WDR45B: variants seen among roughly 807,000 people sequenced by gnomAD.
WDR45B encodes the protein WD repeat domain phosphoinositide-interacting protein 3.
A neutral mutation model predicts 44.6 loss-of-function variants in WDR45B; 20 were observed. That is an observed-to-expected ratio of 0.45 (90% confidence interval 0.32 to 0.65). The LOEUF is 0.65. Ranked by LOEUF, WDR45B falls within the 30% of genes least tolerant of loss-of-function variation. WDR45B has a pLI of 0.05. For missense variants in WDR45B, 323 were observed against 430.2 expected, an observed-to-expected ratio of 0.75 and a Z score of 2.20; for synonymous variants, 169 against 164.9, an observed-to-expected ratio of 1.02 and a Z score of -0.19.
intron 2 of WDR45B, among the ~76,000 whole-genome samples, chr17:82,635,566 C>T (rs1042717676): frequency 6.6e-6 from 1 of 151,452 alleles, no homozygotes; most frequent in Admixed American, 6.6e-5. Flanking sequence ...GCTGGGATTA[C>T]AGGCGCCCAT....
intron 1 of WDR45B, 164 bp from the exon 2 acceptor site, chr17:82,644,187 G>A: frequency 1.4e-6 from 1 of 709,528 alleles, no homozygotes; most frequent in Non-Finnish European, 2.5e-6. Context: ...ATGTTACTAA[G>A]TGACAAGCAC....
rs752956755 is a variant in WDR45B at position 82,627,196 on chromosome 17, A to T, written c.332+8T>A. 1.1e-5 allele frequency: 17 copies of T among 1,610,546 alleles called. No individual in the cohort carries two copies. In the East Asian group the frequency reaches 3.8e-4, roughly 36 times the overall value. ...ACCACTTTAAAAAATTACTGACACC[A>T]AACCCACCTATCTCGCCGCAGCTTG... is the stretch of plus-strand genomic sequence containing the variant. On this transcript the variant is annotated splice_region_variant and intron_variant, in intron 4 of 9. Coordinates refer to ENST00000392325, the MANE Select transcript of WDR45B (RefSeq NM_019613.4).
intron 7 of WDR45B, among the ~76,000 whole-genome samples, chr17:82,618,265 C>T (rs1163799601): frequency 1.3e-5 from 2 of 152,222 alleles, no homozygotes; most frequent in Non-Finnish European, 1.5e-5. Flanking sequence ...GACCCAAATG[C>T]TGCTCAATAC....
intron 5 of WDR45B, 146 bp from the exon 6 acceptor site, chr17:82,621,945 A>G: frequency 9.8e-7 from 1 of 1,024,912 alleles, no homozygotes; most frequent in Non-Finnish European, 1.5e-6. Flanking sequence ...AAGATTTTTC[A>G]TTGTAAATAA....
rs2045549933 is a variant in WDR45B at position 82,617,285 on chromosome 17, C to T, written c.806+11G>A. On this transcript the variant is annotated intron_variant, in intron 8 of 9. Coordinates refer to ENST00000392325, the MANE Select transcript of WDR45B (RefSeq NM_019613.4). ...CCCCGGCTTTTCCCCAGCAGGCATCCTAACACCTACCTGGACTGTTTATTC... is the reference window on the plus strand; with the variant it reads ...CCCCGGCTTTTCCCCAGCAGGCATCTTAACACCTACCTGGACTGTTTATTC... 3 of 1,611,826 alleles carry T rather than the reference C, an allele frequency of 1.9e-6. No homozygotes were observed. In the South Asian group the frequency reaches 3.3e-5, roughly 18 times the overall value.
In WDR45B at chr17:82,618,363, G is replaced by T. The variant is rs149378912; in HGVS notation, c.704+680C>A. Among the ~76,000 whole-genome samples, 391 of 152,356 alleles carry T rather than the reference G, an allele frequency of 2.6e-3. 3 individuals carry two copies. Among genetic ancestry groups the T allele is most frequent in the South Asian group, 0.015 (73 of 4,828 alleles). On this transcript the variant is annotated intron_variant, in intron 7 of 9. Transcript: ENST00000392325. ...TAGGGCTTCAGCACTAGACACCCGG[G>T]GGGCTGTAGGGACACCACTGTGGGG...
intron 1 of WDR45B, among the ~76,000 whole-genome samples, chr17:82,646,502 A>C (rs1470793987): frequency 2.4e-4 from 35 of 147,452 alleles, no homozygotes; most frequent in African/African-American, 7.7e-4. Flanking sequence ...AAAAAAAAAA[A>C]AAAAAAAAAA....
intron 6 of WDR45B, 119 bp from the exon 7 acceptor site, chr17:82,619,247 A>G: frequency 1.1e-6 from 1 of 910,054 alleles, no homozygotes; most frequent in Non-Finnish European, 1.7e-6. Flanking sequence ...ACTCACCCAC[A>G]TCATCTACTA....
At chr17:82,641,761 G>A (rs936250649) in intron 2 of WDR45B, among the ~76,000 whole-genome samples, 3 of 152,084 alleles carry the variant, frequency 2.0e-5, no homozygotes, top group African/African-American at 7.2e-5. Flanking sequence ...AGCCAGGCGT[G>A]GTGGCAGGTG....
chr17:82,625,725 G>A (rs980260353), intron 4 of WDR45B: 4 of 514,176 alleles, frequency 7.8e-6, no homozygotes, highest in South Asian at 2.0e-5. Context: ...CCTAAGAGAC[G>A]TCTCTGAGGT....
At chr17:82,625,060 CAAGGG>C (rs1184821360) in intron 5 of WDR45B, among the ~76,000 whole-genome samples, 1 of 152,146 alleles carries the variant, frequency 6.6e-6, no homozygotes. Context: ...ATTCAGAAGA[CAAGGG>C]AAGGAAAGGC....
intron 2 of WDR45B, among the ~76,000 whole-genome samples, chr17:82,639,290 C>T (rs1226507692): frequency 6.6e-6 from 1 of 152,028 alleles, no homozygotes; most frequent in Non-Finnish European, 1.5e-5. Flanking sequence ...TGTGCCACAA[C>T]CACAGTAATC....
intron 2 of WDR45B, among the ~76,000 whole-genome samples, chr17:82,636,757 T>C (rs1034020983): frequency 6.6e-6 from 1 of 152,070 alleles, no homozygotes; most frequent in African/African-American, 2.4e-5. Flanking sequence ...CCCTAGTTAC[T>C]GTAAACAGCC....
intron 1 of WDR45B, among the ~76,000 whole-genome samples, chr17:82,644,979 G>A (rs188676348): frequency 1.3e-4 from 20 of 152,228 alleles, no homozygotes; most frequent in African/African-American, 4.6e-4. Context: ...TGGCCAACAT[G>A]GTGAAACCTA....
chr17:82,644,509 A>G, intron 1 of WDR45B: 1 of 206,438 alleles, frequency 4.8e-6, no homozygotes, highest in Non-Finnish European at 1.0e-5. Context: ...GCTCCCACCT[A>G]TAAATCATCC....
At position 82,640,324 on chromosome 17, in the gene WDR45B, C is replaced by T. The variant is rs904457015; in HGVS notation, c.142+3625G>A. 4.0e-5 allele frequency among the ~76,000 whole-genome samples: 6 copies of T among 151,712 alleles called. No individual in the cohort carries two copies. The East Asian group carries it at 1.2e-3, about 29-fold the overall frequency. On this transcript the variant is annotated intron_variant, in intron 2 of 9. Coordinates refer to ENST00000392325, the MANE Select transcript of WDR45B (RefSeq NM_019613.4). ...CAATTAAAAAGGAACAAGGGCAAGT[C>T]TGGTGCTGCTCTTCACTGGGATTTT...
chr17:82,631,132 G>T, intron 2 of WDR45B, 110 bp from the exon 3 acceptor site: 2 of 1,077,738 alleles, frequency 1.9e-6, no homozygotes, highest in Non-Finnish European at 2.8e-6. Flanking sequence ...TCTATTTTTT[G>T]TAAGAGACAA....
At position 82,619,299 on chromosome 17, in the gene WDR45B, T is replaced by C. The variant is rs551395558; in HGVS notation, c.619-171A>G. ...AACTGCCAGCACACAGTTGTGCCCCTGAGAACGAGTTGGTTGGTGGCTCCT... is the reference window on the plus strand; with the variant it reads ...AACTGCCAGCACACAGTTGTGCCCCCGAGAACGAGTTGGTTGGTGGCTCCT... On this transcript the variant is annotated intron_variant, in intron 6 of 9. Coordinates refer to ENST00000392325, the MANE Select transcript of WDR45B (RefSeq NM_019613.4). Among the ~76,000 whole-genome samples the C allele has an allele frequency of 7.2e-5, 11 of 152,254 alleles. No individual in the cohort carries two copies. The East Asian group carries it at 2.1e-3, about 29-fold the overall frequency.
intron 9 of WDR45B, 46 bp from the exon 10 acceptor site, chr17:82,616,071 A>G: frequency 6.4e-7 from 1 of 1,559,636 alleles, no homozygotes; most frequent in Non-Finnish European, 8.8e-7. Flanking sequence ...CTTTCCCTCA[A>G]GTTAAAAGCA....
Sources: gnomAD v4.1 joint callset for allele counts (sites outside exome capture counted in the v4.1 genomes callset) on GRCh38, gnomAD v4.1.1 for gene constraint, MANE v1.5 for transcripts, NCBI Gene and HGNC (gene_info 2026-07-23, HGNC 2026-07-21) for gene names.